FXYD6: variants seen among roughly 807,000 people sequenced by gnomAD.
FXYD6 encodes FXYD domain-containing ion transport regulator 6.
Under a neutral mutation model 16.7 loss-of-function variants are expected in FXYD6, and 7 were observed. The ratio of observed to expected loss-of-function variants is 0.42; its 90% CI spans 0.24 to 0.79. FXYD6 has a LOEUF of 0.79. FXYD6 is among the 30% of genes least tolerant of loss of function. The probability of loss-of-function intolerance (pLI) is 0.28; values close to 1 mark genes in which losing one functional copy is unlikely to be tolerated. For missense variants in FXYD6, 111 were observed against 116.2 expected, an observed-to-expected ratio of 0.95 and a Z score of 0.21; for synonymous variants, 49 against 43.0, an observed-to-expected ratio of 1.14 and a Z score of -0.54.
intron 1 of FXYD6, among the ~76,000 whole-genome samples, chr11:117,869,563 ACT>A (rs911358857): frequency 2.4e-4 from 37 of 152,124 alleles, no homozygotes; most frequent in African/African-American, 8.7e-4. Flanking sequence ...GAGAGGCAAA[ACT>A]CTCTTGTCAT....
Position 117,870,139 on chromosome 11 carries a change from C to G in FXYD6, c.-6+6453G>C, listed in dbSNP as rs955048089. Among the ~76,000 whole-genome samples, 9 of 152,286 alleles carry G rather than the reference C, an allele frequency of 5.9e-5. No homozygotes were observed. Among genetic ancestry groups the G allele is most frequent in the African/African-American group, 1.7e-4 (7 of 41,482 alleles). On this transcript the variant is annotated intron_variant, in intron 1 of 7. Transcript: ENST00000526014. This position sits in a 1 kb window ranked among gnomAD's most constrained non-coding sequence, Gnocchi z 4.2. ...TCAGAAGCAGAAACACAGAACAGTA[C>G]TGCGAGGCCAACTCAGGCACAGGCC...
chr11:117,842,393 C>T (rs1162338457), intron 2 of FXYD6: 2 of 554,386 alleles, frequency 3.6e-6, no homozygotes, highest in Non-Finnish European at 6.4e-6. Flanking sequence ...CCAGCACTTG[C>T]TAATATGGTC....
At chr11:117,861,695 A>G (rs991146405) in intron 1 of FXYD6, among the ~76,000 whole-genome samples, 2 of 152,184 alleles carry the variant, frequency 1.3e-5, no homozygotes, top group Non-Finnish European at 2.9e-5. Flanking sequence ...AGATAAACAG[A>G]GATAGGGGCT....
intron 5 of FXYD6, 120 bp downstream of exon 5, chr11:117,841,028 A>T (rs1238335024): frequency 7.6e-7 from 1 of 1,319,898 alleles, no homozygotes. Flanking sequence ...GTCCCAACAC[A>T]CACGTTCTGC....
Position 117,872,504 on chromosome 11 carries a change from T to C in FXYD6, c.-6+4088A>G, listed in dbSNP as rs139750141. Among the ~76,000 whole-genome samples the C allele has an allele frequency of 3.9e-3, 593 of 152,312 alleles. 4 individuals carry two copies. The highest frequency in any genetic ancestry group is 0.014 in the African/African-American group (579 of 41,576). On this transcript the variant is annotated intron_variant, in intron 1 of 7. Coordinates refer to ENST00000526014, the MANE Select transcript of FXYD6 (RefSeq NM_022003.4). The surrounding 1 kb of genome is among the most constrained non-coding windows in gnomAD (Gnocchi z 4.9). ...ATGAGGGGAACATTTATTAAAAGGA[T>C]GAACGAGGGAGTTTGAAACCTTAGC...
chr11:117,849,642 G>A (rs2056557596), intron 1 of FXYD6, among the ~76,000 whole-genome samples: 1 of 151,900 alleles, frequency 6.6e-6, no homozygotes, highest in Non-Finnish European at 1.5e-5. Flanking sequence ...TTGAAACAGA[G>A]GGGTTAATCT....
At chr11:117,844,016 T>C (rs2056417169) in intron 1 of FXYD6, 1 of 152,186 alleles carries the variant, frequency 6.6e-6, no homozygotes. Context: ...CAAGGCTGGG[T>C]GCTGTTTTCC....
At chr11:117,868,538 C>T (rs1362839585) in intron 1 of FXYD6, among the ~76,000 whole-genome samples, 1 of 152,118 alleles carries the variant, frequency 6.6e-6, no homozygotes, top group Non-Finnish European at 1.5e-5. Context: ...AAGGTCACCA[C>T]CCAGAGGCAC....
chr11:117,842,806 G>T (rs1188475177), intron 1 of FXYD6, 25 bp from the exon 2 acceptor site: 2 of 1,552,672 alleles, frequency 1.3e-6, no homozygotes, highest in East Asian at 2.4e-5. Context: ...AGGAAAAAAT[G>T]ATTCTCTGGC....
rs376838094 is a variant in FXYD6 at position 117,852,204 on chromosome 11, C to T, written c.-5-9423G>A. On this transcript the variant is annotated intron_variant, in intron 1 of 7. Coordinates refer to ENST00000526014, the MANE Select transcript of FXYD6 (RefSeq NM_022003.4). ...TTCCCCAGTCAATTCTCTTATCAGA[C>T]CACAACCTTAGCCAGCACCTAGACT... Among the ~76,000 whole-genome samples the T allele has an allele frequency of 4.6e-5, 7 of 152,348 alleles. No individual in the cohort carries two copies. The East Asian group carries it at 7.7e-4, about 17-fold the overall frequency.
intron 1 of FXYD6, among the ~76,000 whole-genome samples, chr11:117,864,651 A>G (rs868374654): frequency 1.3e-5 from 2 of 152,142 alleles, no homozygotes; most frequent in African/African-American, 4.8e-5. Flanking sequence ...CAACGGCTCA[A>G]TCTCGGCTGA....
At chr11:117,853,476 C>T (rs1021691667) in intron 1 of FXYD6, among the ~76,000 whole-genome samples, 1 of 152,126 alleles carries the variant, frequency 6.6e-6, no homozygotes, top group African/African-American at 2.4e-5. Flanking sequence ...CTAAGCTTCA[C>T]ATACTCCAGT....
Position 117,838,273 on chromosome 11 carries a change from A to T in FXYD6, c.*26T>A. Reference sequence around the variant, plus strand: ...GGTTCAAGCAGCCGCCTCAGGTTCCAGAGGCTGAGGAGGAGGATAATTTAA... The same window carrying T: ...GGTTCAAGCAGCCGCCTCAGGTTCCTGAGGCTGAGGAGGAGGATAATTTAA... On this transcript the variant is annotated 3_prime_UTR_variant, in exon 8 of 8. Transcript: ENST00000526014. The T allele has an allele frequency of 1.4e-6, 1 of 702,596 alleles. No individual in the cohort carries two copies. The highest frequency in any genetic ancestry group is 2.6e-6 in the Non-Finnish European group (1 of 385,004). 43.5% of individuals were successfully genotyped at this position (702,596 alleles called of 1,614,324 possible).
chr11:117,852,390 G>T (rs1359489394), intron 1 of FXYD6, among the ~76,000 whole-genome samples: 1 of 152,210 alleles, frequency 6.6e-6, no homozygotes. Context: ...AACCTTGAAA[G>T]GTAGTTTGGC....
intron 1 of FXYD6, among the ~76,000 whole-genome samples, chr11:117,874,962 G>A (rs1419560048): frequency 6.6e-6 from 1 of 152,180 alleles, no homozygotes; most frequent in South Asian, 2.1e-4. Context: ...GGGTTCCCAG[G>A]GAGATGTTAG....
intron 5 of FXYD6, among the ~76,000 whole-genome samples, chr11:117,840,762 TG>T (rs371858428): frequency 3.9e-4 from 60 of 152,194 alleles, no homozygotes; most frequent in Middle Eastern, 3.4e-3. Flanking sequence ...AAGAGCCTCA[TG>T]AACAGGTGAC....
At chr11:117,849,729 T>C (rs1045572684) in intron 1 of FXYD6, among the ~76,000 whole-genome samples, 1 of 152,138 alleles carries the variant, frequency 6.6e-6, no homozygotes, top group Non-Finnish European at 1.5e-5. Context: ...CCTTTTTCCA[T>C]GAAGCTGAAG....
intron 1 of FXYD6, among the ~76,000 whole-genome samples, chr11:117,858,664 TTTC>T (rs2056805959): frequency 1.2e-5 from 1 of 83,158 alleles, no homozygotes; most frequent in African/African-American, 5.5e-5. Flanking sequence ...TCTTTCTTTC[TTTC>T]TTTCTTTCTT....
chr11:117,845,596 A>C (rs1406097642), intron 1 of FXYD6, among the ~76,000 whole-genome samples: 1 of 152,192 alleles, frequency 6.6e-6, no homozygotes, highest in African/African-American at 2.4e-5. Context: ...CAGGTAAATG[A>C]TCATGTAGTG....
Sources: gnomAD v4.1 joint callset for allele counts (sites outside exome capture counted in the v4.1 genomes callset) on GRCh38, gnomAD v4.1.1 for gene constraint, Gnocchi (gnomAD v3.1) non-coding constraint, MANE v1.5 for transcripts, NCBI Gene and HGNC (gene_info 2026-07-23, HGNC 2026-07-21) for gene names.